Variants in PCDH15 observed in about 807,000 individuals in gnomAD.
PCDH15 encodes the protein protocadherin-15.
In PCDH15, 129 loss-of-function variants were observed where a neutral mutation model predicts 178.5. The observed-to-expected ratio is 0.72, with a 90% CI of 0.63 to 0.84. The LOEUF is 0.84. PCDH15 is among the 40% of genes least tolerant of loss of function. The pLI is 0.00. For synonymous variants in PCDH15, 800 were observed against 732.0 expected, an observed-to-expected ratio of 1.09 and a Z score of -1.50; for missense variants, 2,230 against 2,099.9, an observed-to-expected ratio of 1.06 and a Z score of -1.21.
At chr10:54,902,646 A>T (rs1186967494) in intron 2 of PCDH15, among the ~76,000 whole-genome samples, 3 of 152,148 alleles carry the variant, frequency 2.0e-5, no homozygotes, top group African/African-American at 7.2e-5. Context: ...CAGTGTGCAA[A>T]CAGACTAATA....
At chr10:54,477,625 CTCACTCTA>C (rs1364806395) in intron 3 of PCDH15, among the ~76,000 whole-genome samples, 2 of 152,170 alleles carry the variant, frequency 1.3e-5, no homozygotes, top group South Asian at 2.1e-4. Flanking sequence ...GAGACAGAGT[CTCACTCTA>C]TCACCCAGGC....
intron 32 of PCDH15, chr10:53,825,276 AAAG>A (rs2076604308): frequency 7.8e-6 from 8 of 1,031,464 alleles, no homozygotes; most frequent in Admixed American, 7.9e-5. Context: ...ATATCAAAAA[AAAG>A]GCATGTTTTT....
chr10:54,822,211 T>C (rs1259727386), intron 3 of PCDH15, among the ~76,000 whole-genome samples: 1 of 152,158 alleles, frequency 6.6e-6, no homozygotes, highest in African/African-American at 2.4e-5. Flanking sequence ...CAATAAATTA[T>C]TATCAACCAC....
intron 5 of PCDH15, among the ~76,000 whole-genome samples, chr10:54,367,836 CAT>C (rs1163605754): frequency 4.7e-5 from 7 of 149,870 alleles, no homozygotes; most frequent in Admixed American, 2.7e-4. Flanking sequence ...TATATATATA[CAT>C]ATATATATAT....
rs1263132848 is a variant in PCDH15, at chr10:53,856,175, G to T, written c.3806+1000C>A. Reference sequence around the variant, plus strand: ...ATAAAGACTGTACGTTGGGTACAGTGTACACTGCTTGTGTGCACCAAAATC... The same window carrying T: ...ATAAAGACTGTACGTTGGGTACAGTTTACACTGCTTGTGTGCACCAAAATC... On this transcript the variant is annotated intron_variant, in intron 28 of 37. Coordinates refer to ENST00000644397, the MANE Select transcript of PCDH15 (RefSeq NM_001384140.1). 2.0e-5 allele frequency among the ~76,000 whole-genome samples: 3 copies of T among 151,270 alleles called. No individual in the cohort carries two copies. The East Asian group carries it at 6.0e-4, about 30-fold the overall frequency.
intron 2 of PCDH15, among the ~76,000 whole-genome samples, chr10:55,551,664 G>T (rs919152775): frequency 6.6e-6 from 1 of 151,668 alleles, no homozygotes; most frequent in Non-Finnish European, 1.5e-5. Flanking sequence ...TATGAATAGA[G>T]GAAGGACTCT....
intron 1 of PCDH15, among the ~76,000 whole-genome samples, chr10:54,761,806 T>C (rs1211853756): frequency 4.6e-5 from 7 of 152,076 alleles, no homozygotes; most frequent in Admixed American, 3.9e-4. Context: ...TGCTGGTCAG[T>C]CAAACCAACC....
intron 1 of PCDH15, among the ~76,000 whole-genome samples, chr10:54,779,856 C>T (rs1454695417): frequency 6.6e-6 from 1 of 152,000 alleles, no homozygotes; most frequent in African/African-American, 2.4e-5. Context: ...GTCTCATTCT[C>T]AAACCTTCTC....
chr10:55,236,823 T>C (rs905334440), intron 1 of PCDH15, among the ~76,000 whole-genome samples: 14 of 152,030 alleles, frequency 9.2e-5, no homozygotes, highest in African/African-American at 2.9e-4. Flanking sequence ...TACTATATGT[T>C]TTAAAATACA....
chr10:54,273,209 A>G (rs1483263268), intron 8 of PCDH15, among the ~76,000 whole-genome samples: 1 of 152,158 alleles, frequency 6.6e-6, no homozygotes, highest in East Asian at 1.9e-4. Context: ...AATAGAAGTT[A>G]TACTTTATTT....
intron 2 of PCDH15, among the ~76,000 whole-genome samples, chr10:55,050,186 T>C (rs1276579277): frequency 6.6e-6 from 1 of 151,992 alleles, no homozygotes; most frequent in African/African-American, 2.4e-5. Context: ...GAAAAAAATA[T>C]AACAGTTTTT....
intron 1 of PCDH15, among the ~76,000 whole-genome samples, chr10:55,210,344 A>G (rs1319472276): frequency 2.0e-5 from 3 of 152,018 alleles, no homozygotes; most frequent in African/African-American, 7.3e-5. Context: ...AGAAAATAGT[A>G]GATAAATAAA....
At chr10:55,609,011 T>TAC (rs10627574) in intron 2 of PCDH15, among the ~76,000 whole-genome samples, 31,692 of 142,650 alleles carry the variant, frequency 0.22, 3,698 homozygotes, top group East Asian at 0.37. Flanking sequence ...ATGTTATATA[T>TAC]ATATACACAC....
intron 1 of PCDH15, among the ~76,000 whole-genome samples, chr10:54,782,758 C>T (rs1381530996): frequency 6.6e-6 from 1 of 151,964 alleles, no homozygotes; most frequent in African/African-American, 2.4e-5. Context: ...GGTAGTACTG[C>T]CACACACAGG....
chr10:54,461,888 A>T (rs961121794), intron 3 of PCDH15, among the ~76,000 whole-genome samples: 2 of 152,228 alleles, frequency 1.3e-5, no homozygotes, highest in East Asian at 1.9e-4. Flanking sequence ...ATTCTTACCA[A>T]GTTATTAGGG....
chr10:54,224,787 T>G (rs2053251743), intron 9 of PCDH15, among the ~76,000 whole-genome samples: 1 of 152,092 alleles, frequency 6.6e-6, no homozygotes, highest in Admixed American at 6.5e-5. Flanking sequence ...TCTTTTCAGC[T>G]AATATGTTCT....
chr10:55,264,485 T>C (rs2132238941), intron 1 of PCDH15, among the ~76,000 whole-genome samples: 1 of 152,222 alleles, frequency 6.6e-6, no homozygotes, highest in African/African-American at 2.4e-5. Flanking sequence ...CATCAGTACT[T>C]ATGGCCAGCA....
At chr10:54,529,409 A>G (rs571802112) in intron 2 of PCDH15, among the ~76,000 whole-genome samples, 1 of 152,146 alleles carries the variant, frequency 6.6e-6, no homozygotes, top group African/African-American at 2.4e-5. Context: ...GCATTCATCT[A>G]TTCCTTTCAT....
At chr10:55,464,625 AATATATAT>A (rs201924826) in intron 2 of PCDH15, among the ~76,000 whole-genome samples, 2 of 63,028 alleles carry the variant, frequency 3.2e-5, no homozygotes, top group Non-Finnish European at 5.0e-5. Context: ...AATGGGAGTA[AATATATAT>A]ATATATATAT....
Sources: gnomAD v4.1 joint callset for allele counts (sites outside exome capture counted in the v4.1 genomes callset) on GRCh38, gnomAD v4.1.1 for gene constraint, MANE v1.5 for transcripts, NCBI Gene and HGNC (gene_info 2026-07-23, HGNC 2026-07-21) for gene names.